Variants in NUP188 observed in about 807,000 individuals in gnomAD.
NUP188 encodes nucleoporin 188, also known as nucleoporin NUP188.
NUP188 carries 97 observed loss-of-function variants against 223.0 expected under a neutral mutation model. That is an observed-to-expected ratio of 0.43 (90% CI 0.37 to 0.51). The LOEUF is 0.51. Among genes scored for constraint, NUP188 ranks in the 20% least tolerant of loss-of-function variants. NUP188 has a pLI of 0.00. For synonymous variants in NUP188, 869 were observed against 828.0 expected (o/e 1.05, Z -0.85); for missense variants, 1,947 against 2,175.6 (o/e 0.89, Z 2.09).
At chr9:128,986,943 G>A in intron 22 of NUP188, 68 bp downstream of exon 22, 1 of 1,406,986 alleles carries the variant, frequency 7.1e-7, no homozygotes, top group Non-Finnish European at 1.0e-6. Context: ...GCTGTGCAAA[G>A]CCGTCTCAGT....
intron 12 of NUP188, among the ~76,000 whole-genome samples, chr9:128,973,630 G>T (rs1210178549): frequency 6.6e-6 from 1 of 152,132 alleles, no homozygotes. Flanking sequence ...CGATCCGCCT[G>T]CCTCGGCCTC....
intron 8 of NUP188, among the ~76,000 whole-genome samples, chr9:128,967,228 T>A (rs549574125): frequency 6.6e-6 from 1 of 152,202 alleles, no homozygotes; most frequent in Non-Finnish European, 1.5e-5. Flanking sequence ...CAGACTAGTC[T>A]TGAACTCCAG....
At chr9:128,952,268 G>T (rs553885153) in intron 2 of NUP188, among the ~76,000 whole-genome samples, 2 of 152,024 alleles carry the variant, frequency 1.3e-5, no homozygotes, top group Non-Finnish European at 2.9e-5. Context: ...GCATGGTGGC[G>T]TGCGCCTGTA....
chr9:128,972,585 G>A (rs917649460), intron 11 of NUP188, among the ~76,000 whole-genome samples: 74 of 152,180 alleles, frequency 4.9e-4, no homozygotes, highest in African/African-American at 1.7e-3. Context: ...GTGACCCTTA[G>A]TGTAAACTGT....
rs753842977 is a variant in NUP188 at position 129,005,786 on chromosome 9, TTC to T, written c.4869+12_4869+13del. 6.2e-7 allele frequency: 1 copy of T among 1,603,544 alleles called. No individual in the cohort carries two copies. The highest frequency in any genetic ancestry group is 1.1e-5 in the South Asian group (1 of 89,514). ...CAACATGCTTGGAGAGGTAAGTTGG[TTC>T]TGTCAGACACTGTCCTCTCCCCCCG... is the stretch of plus-strand genomic sequence containing the variant. On this transcript the variant is annotated intron_variant, in intron 41 of 43. Transcript: ENST00000372577.
At chr9:129,001,470 T>A (rs1477450479) in intron 34 of NUP188, 59 bp from the exon 35 acceptor site, 1 of 1,554,656 alleles carries the variant, frequency 6.4e-7, no homozygotes, top group Admixed American at 1.7e-5. Flanking sequence ...CCGCTGCCTG[T>A]CGTCCTCTTC....
At position 129,003,166 on chromosome 9, in the gene NUP188, G is replaced by A. The variant is rs1564568570; in HGVS notation, c.4297-151G>A. ...TCTGCTGAAGGACGGGAACGGTCTC[G>A]GGTCAGAATCCTGGTTGTACCACTA... On this transcript the variant is annotated intron_variant, in intron 37 of 43. Transcript: ENST00000372577. 19 of 1,136,222 alleles carry A rather than the reference G, an allele frequency of 1.7e-5. No individual in the cohort carries two copies. In the East Asian group the frequency reaches 3.6e-4, roughly 21 times the overall value. The allele number at this position is 1,136,222 out of a possible 1,614,324, so 70.4% of individuals were successfully genotyped here.
Position 128,983,568 on chromosome 9 carries a change from G to A in NUP188, c.1961+18G>A. Reference sequence around the variant, plus strand: ...ATGATTAGGTGAGCCAAGTCCTAGGGTGGTGGGCCATATTCCCTAGTGAGA... The same window carrying A: ...ATGATTAGGTGAGCCAAGTCCTAGGATGGTGGGCCATATTCCCTAGTGAGA... On this transcript the variant is annotated intron_variant, in intron 19 of 43. Coordinates refer to ENST00000372577, the MANE Select transcript of NUP188 (RefSeq NM_015354.3). 6.3e-7 allele frequency: 1 copy of A among 1,589,422 alleles called. No individual in the cohort carries two copies. Among genetic ancestry groups the A allele is most frequent in the Non-Finnish European group, 8.6e-7 (1 of 1,158,084 alleles).
intron 8 of NUP188, among the ~76,000 whole-genome samples, chr9:128,961,109 A>G (rs542765011): frequency 2.3e-4 from 35 of 151,060 alleles, no homozygotes; most frequent in African/African-American, 7.3e-4. Flanking sequence ...AAAAACCATA[A>G]AAAATGAAAA....
At chr9:128,989,768 G>A (rs1394126800) in intron 24 of NUP188, among the ~76,000 whole-genome samples, 1 of 152,186 alleles carries the variant, frequency 6.6e-6, no homozygotes, top group Non-Finnish European at 1.5e-5. Flanking sequence ...GGGAGGTGGA[G>A]GTGCAGTGAG....
At chr9:129,006,414 G>A (rs749768634) in intron 43 of NUP188, 46 bp downstream of exon 43, 124 of 1,613,506 alleles carry the variant, frequency 7.7e-5, no homozygotes, top group Non-Finnish European at 1.0e-4. Context: ...TAGGGCCAGA[G>A]CCCTGTGGGG....
intron 8 of NUP188, among the ~76,000 whole-genome samples, chr9:128,961,108 A>G (rs574029649): frequency 6.6e-6 from 1 of 150,586 alleles, no homozygotes; most frequent in South Asian, 2.1e-4. Context: ...AAAAAACCAT[A>G]AAAAATGAAA....
At chr9:128,963,479 C>T (rs1003627310) in intron 8 of NUP188, among the ~76,000 whole-genome samples, 15 of 150,372 alleles carry the variant, frequency 1.0e-4, no homozygotes, top group Non-Finnish European at 1.9e-4. Flanking sequence ...ACTGGGATTA[C>T]AGGCATGAGC....
At chr9:128,984,761 T>G (rs891788469) in intron 19 of NUP188, 139 bp from the exon 20 acceptor site, 6 of 569,714 alleles carry the variant, frequency 1.1e-5, no homozygotes, top group African/African-American at 5.7e-5. Context: ...CAGAACTGTC[T>G]TGATTGGATT....
intron 24 of NUP188, among the ~76,000 whole-genome samples, 167 bp from the exon 25 acceptor site, chr9:128,989,953 T>C (rs1442768958): frequency 6.6e-6 from 1 of 152,222 alleles, no homozygotes; most frequent in Non-Finnish European, 1.5e-5. Context: ...ATTCTTTTGC[T>C]CCTCAATCAA....
At position 128,994,841 on chromosome 9, in the gene NUP188, C is replaced by A; in HGVS notation, c.3088-15C>A. 1 of 1,609,754 alleles carries A rather than the reference C, an allele frequency of 6.2e-7. No individual in the cohort carries two copies. The highest frequency in any genetic ancestry group is 8.5e-7 in the Non-Finnish European group (1 of 1,176,188). On this transcript the variant is annotated splice_polypyrimidine_tract_variant and intron_variant, in intron 28 of 43. Transcript: ENST00000372577. The stretch of plus-strand genomic sequence containing the variant: ...ATCAGAGATGTGATAATTGCCTGTT[C>A]TGCTATCTCCACAGCCCAGCATCCT...
In NUP188 at chr9:129,001,864, C is replaced by T. The variant is rs951960296; in HGVS notation, c.4045-20C>T. 7 of 1,611,912 alleles carry T rather than the reference C, an allele frequency of 4.3e-6. No homozygotes were observed. Among genetic ancestry groups the T allele is most frequent in the Non-Finnish European group, 5.1e-6 (6 of 1,178,260 alleles). ...GCAGGGGCAGGCTCCATCTCATTTC[C>T]TGTCTTTCCCTCCTCCCAGGGAGCC... is the stretch of plus-strand genomic sequence containing the variant. On this transcript the variant is annotated intron_variant, in intron 35 of 43. Coordinates refer to ENST00000372577, the MANE Select transcript of NUP188 (RefSeq NM_015354.3).
At chr9:128,986,903 G>C in intron 22 of NUP188, 28 bp downstream of exon 22, 1 of 1,604,332 alleles carries the variant, frequency 6.2e-7, no homozygotes, top group Non-Finnish European at 8.5e-7. Flanking sequence ...ACTAGAGCTT[G>C]GTGCTCGCCA....
rs370505380 is a variant in NUP188, at chr9:128,986,853, C to G, written c.2242C>G (p.His748Asp). 6.2e-7 allele frequency: 1 copy of G among 1,614,026 alleles called. No homozygotes were observed. The highest frequency in any genetic ancestry group is 2.2e-5 in the East Asian group (1 of 44,880). ...GATTCATGCGATACTGAACCTGTGCCACGAGACAGACCTGCACAGCAGGTA... is the reference window on the plus strand; with the variant it reads ...GATTCATGCGATACTGAACCTGTGCGACGAGACAGACCTGCACAGCAGGTA... ...ELIHAILNLC[H>D]ETDLHSSHTP... Residue 748 changes from histidine (H) to aspartate (D), a missense_variant, in exon 22 of 44, where the codon CAC (histidine) becomes GAC (aspartate). Coordinates refer to ENST00000372577, the MANE Select transcript of NUP188 (RefSeq NM_015354.3).
Sources: gnomAD v4.1 joint callset for allele counts (sites outside exome capture counted in the v4.1 genomes callset) on GRCh38, gnomAD v4.1.1 for gene constraint, MANE v1.5 for transcripts, NCBI Gene and HGNC (gene_info 2026-07-23, HGNC 2026-07-21) for gene names.